The following SAMD12 variants were observed in gnomAD, a reference collection of about 807,000 sequenced individuals.
SAMD12 encodes sterile alpha motif domain-containing protein 12.
Under a neutral mutation model 15.0 loss-of-function variants are expected in SAMD12, and 9 were observed. That is an observed-to-expected ratio of 0.60 (90% CI 0.36 to 1.05). The LOEUF is 1.05. Ranked by LOEUF, SAMD12 falls within the 50% of genes least tolerant of loss-of-function variation. The probability of loss-of-function intolerance (pLI) is 0.01; values close to 1 mark genes in which losing one functional copy is unlikely to be tolerated. For synonymous variants in SAMD12, 86 were observed against 90.1 expected (o/e 0.96, Z 0.25); for missense variants, 230 against 234.2 (o/e 0.98, Z 0.12).
intron 2 of SAMD12, among the ~76,000 whole-genome samples, chr8:118,442,887 T>C (rs375129880): frequency 6.6e-6 from 1 of 152,184 alleles, no homozygotes; most frequent in Non-Finnish European, 1.5e-5. Flanking sequence ...ACTTTTTCCT[T>C]CTTGGAAGAA....
At chr8:118,479,899 A>G (rs900232752) in intron 2 of SAMD12, among the ~76,000 whole-genome samples, 2 of 152,118 alleles carry the variant, frequency 1.3e-5, no homozygotes, top group African/African-American at 2.4e-5. Context: ...ACAGTTGCAC[A>G]TATTATCTCT....
At chr8:118,442,265 A>G (rs1417061384) in intron 2 of SAMD12, among the ~76,000 whole-genome samples, 1 of 152,204 alleles carries the variant, frequency 6.6e-6, no homozygotes, top group African/African-American at 2.4e-5. Context: ...GTGTACATCC[A>G]CAAGGATTAA....
chr8:118,386,500 C>T (rs918472233), intron 3 of SAMD12, among the ~76,000 whole-genome samples: 1 of 152,196 alleles, frequency 6.6e-6, no homozygotes, highest in South Asian at 2.1e-4. Context: ...GTCCTTGTAA[C>T]ATTTTCAGGT....
intron 4 of SAMD12, among the ~76,000 whole-genome samples, chr8:118,259,928 C>T (rs905033287): frequency 1.3e-5 from 2 of 152,106 alleles, no homozygotes; most frequent in Non-Finnish European, 2.9e-5. Context: ...ATACATGGGA[C>T]TTAGATTCAG....
At chr8:118,193,890 G>C (rs1338744474) in exon 5 of SAMD12, 1 of 152,130 alleles carries the variant, frequency 6.6e-6, no homozygotes, top group Non-Finnish European at 1.5e-5. Flanking sequence ...TTTCAAAAGA[G>C]TCTAAGACGA....
chr8:118,202,715 C>T (rs1819749184), intron 4 of SAMD12, among the ~76,000 whole-genome samples: 1 of 152,184 alleles, frequency 6.6e-6, no homozygotes, highest in Non-Finnish European at 1.5e-5. Context: ...TCAGTGTCTT[C>T]CCTTCAGAAA....
intron 1 of SAMD12, among the ~76,000 whole-genome samples, chr8:118,594,236 G>GA (rs371218606): frequency 0.024 from 2,630 of 111,120 alleles, 74 homozygotes; most frequent in Admixed American, 0.11. Context: ...GCAAAATGAA[G>GA]AAAAAAAACA....
chr8:118,342,227 G>T (rs1817404740), intron 4 of SAMD12, among the ~76,000 whole-genome samples: 1 of 147,074 alleles, frequency 6.8e-6, no homozygotes, highest in African/African-American at 2.6e-5. Flanking sequence ...AGGAAGTGGG[G>T]GTTGCAGTGA....
intron 4 of SAMD12, among the ~76,000 whole-genome samples, chr8:118,285,767 T>C (rs1813950887): frequency 6.6e-6 from 1 of 152,212 alleles, no homozygotes; most frequent in Non-Finnish European, 1.5e-5. Context: ...GGATACTATA[T>C]GTCCTGGACT....
At chr8:118,295,827 T>C (rs1255645721) in intron 4 of SAMD12, 4 of 152,092 alleles carry the variant, frequency 2.6e-5, no homozygotes, top group Non-Finnish European at 5.9e-5. Flanking sequence ...TTTTCTTTTG[T>C]AGAGATGAAG....
intron 4 of SAMD12, among the ~76,000 whole-genome samples, chr8:118,265,771 A>C (rs376331201): frequency 1.3e-5 from 2 of 151,948 alleles, no homozygotes; most frequent in African/African-American, 4.8e-5. Context: ...CTCTTAAAGT[A>C]TATGTAAAAT....
intron 2 of SAMD12, among the ~76,000 whole-genome samples, chr8:118,557,932 CTATTT>C (rs1328609079): frequency 1.3e-5 from 2 of 152,004 alleles, no homozygotes; most frequent in Non-Finnish European, 2.9e-5. Context: ...TGAGACCAAC[CTATTT>C]TGAGTCAGAT....
At position 118,604,281 on chromosome 8, in the gene SAMD12, A is replaced by G. The variant is rs1477546012; in HGVS notation, c.13+17523T>C. Reference sequence around the variant, plus strand: ...AAGCATTTAATAAATGGTAGAGAATATTTATCTATATTTGTATATGAAATT... The same window carrying G: ...AAGCATTTAATAAATGGTAGAGAATGTTTATCTATATTTGTATATGAAATT... On this transcript the variant is annotated intron_variant, in intron 1 of 3. Transcript: ENST00000314727. 2.6e-5 allele frequency among the ~76,000 whole-genome samples: 4 copies of G among 152,324 alleles called. No individual in the cohort carries two copies. In the East Asian group the frequency reaches 5.8e-4, roughly 22 times the overall value.
the SAMD12 span, among the ~76,000 whole-genome samples, chr8:118,153,670 G>A: frequency 2.0e-5 from 3 of 152,042 alleles, no homozygotes; most frequent in Non-Finnish European, 2.9e-5. Context: ...AACTGAACTT[G>A]CCCTTTGATA....
At chr8:118,180,924 C>T in the SAMD12 span, among the ~76,000 whole-genome samples, 1,800 of 152,272 alleles carry the variant, frequency 0.012, 40 homozygotes, top group African/African-American at 0.04. Flanking sequence ...CTAGAGCCTC[C>T]GCTGTCAGCC....
rs192418902 is a variant in SAMD12, at chr8:118,531,317, T to C, written c.192+49398A>G. ...CTGTTTTGGTACCAGTACTATGCTG[T>C]TTTGGTTACTGTAGCCTTGTAGTAT... On this transcript the variant is annotated intron_variant, in intron 2 of 3. Transcript: ENST00000314727. 1.9e-3 allele frequency among the ~76,000 whole-genome samples: 282 copies of C among 152,328 alleles called. 1 individual carries two copies. Among genetic ancestry groups the C allele is most frequent in the African/African-American group, 5.5e-3 (227 of 41,572 alleles).
chr8:118,178,118 CTTA>C, the SAMD12 span, among the ~76,000 whole-genome samples: 2 of 151,122 alleles, frequency 1.3e-5, no homozygotes, highest in Non-Finnish European at 3.0e-5. Flanking sequence ...TTATGTTTTT[CTTA>C]TTATTTTATA....
the SAMD12 span, among the ~76,000 whole-genome samples, chr8:118,152,751 G>C: frequency 5.9e-5 from 9 of 152,040 alleles, no homozygotes; most frequent in South Asian, 1.9e-3. Flanking sequence ...CACCCCCCTC[G>C]GCCTCCCACA....
At chr8:118,433,711 C>T (rs898013067) in intron 3 of SAMD12, among the ~76,000 whole-genome samples, 5 of 152,000 alleles carry the variant, frequency 3.3e-5, no homozygotes, top group Non-Finnish European at 5.9e-5. Context: ...TAAAATTATG[C>T]TCAAGTTTCA....
Sources: allele counts gnomAD v4.1 joint callset (sites outside exome capture counted in the v4.1 genomes callset), GRCh38; gene constraint gnomAD v4.1.1; transcripts MANE v1.5; gene names NCBI Gene and HGNC (gene_info 2026-07-23, HGNC 2026-07-21).